EEFSEC: variants seen among roughly 807,000 people sequenced by gnomAD.
The protein encoded by EEFSEC is eukaryotic elongation factor, selenocysteine-tRNA specific.
In EEFSEC, 43 loss-of-function variants were observed where a neutral mutation model predicts 42.1. That is an observed-to-expected ratio of 1.02 (90% CI 0.80 to 1.32). The LOEUF (loss-of-function observed/expected upper bound fraction) is 1.32, where lower values mean the gene tolerates loss of function less well. Among genes scored for constraint, EEFSEC ranks in the 40% most tolerant of loss-of-function variants. The pLI is 0.00. For synonymous variants in EEFSEC, 354 were observed against 339.1 expected (o/e 1.04, Z -0.48); for missense variants, 745 against 803.6 (o/e 0.93, Z 0.88).
At chr3:128,383,022 C>G (rs1463452261) in intron 6 of EEFSEC, among the ~76,000 whole-genome samples, 1 of 152,158 alleles carries the variant, frequency 6.6e-6, no homozygotes, top group African/African-American at 2.4e-5. Context: ...CTCCCTGCCT[C>G]CTGGAAGACC....
chr3:128,313,891 C>T (rs557423920), intron 4 of EEFSEC, among the ~76,000 whole-genome samples: 5 of 152,326 alleles, frequency 3.3e-5, no homozygotes, highest in African/African-American at 1.2e-4. Flanking sequence ...CTGGTCTCTC[C>T]CTCCTAGGCA....
intron 5 of EEFSEC, among the ~76,000 whole-genome samples, chr3:128,356,777 A>G (rs1325574211): frequency 2.0e-5 from 3 of 152,128 alleles, no homozygotes; most frequent in African/African-American, 4.8e-5. Flanking sequence ...AGCCTGCAAC[A>G]TGCCCTTTGC....
At chr3:128,190,474 T>C (rs1191134476) in intron 1 of EEFSEC, among the ~76,000 whole-genome samples, 1 of 152,214 alleles carries the variant, frequency 6.6e-6, no homozygotes, top group African/African-American at 2.4e-5. Context: ...AAAGAAAATA[T>C]TTTTATACAG....
At chr3:128,251,763 C>CT (rs1216241198) in intron 2 of EEFSEC, among the ~76,000 whole-genome samples, 2 of 151,900 alleles carry the variant, frequency 1.3e-5, no homozygotes, top group African/African-American at 4.8e-5. Context: ...ATTTTAGTTG[C>CT]TTTTTTTGAC....
chr3:128,413,204 G>A (rs759148635), downstream of EEFSEC, among the ~76,000 whole-genome samples: 4 of 152,210 alleles, frequency 2.6e-5, no homozygotes, highest in Non-Finnish European at 5.9e-5. Context: ...GGAAGAGGAC[G>A]TTTGGGAAGG....
intron 1 of EEFSEC, among the ~76,000 whole-genome samples, chr3:128,184,212 C>A (rs2065441243): frequency 6.6e-6 from 1 of 152,138 alleles, no homozygotes; most frequent in African/African-American, 2.4e-5. Flanking sequence ...ACCTTTTTGA[C>A]TATATTTAAG....
chr3:128,410,957 G>A (rs1213951133), downstream of EEFSEC, among the ~76,000 whole-genome samples: 1 of 152,232 alleles, frequency 6.6e-6, no homozygotes, highest in Non-Finnish European at 1.5e-5. Context: ...GGGCAGCCCA[G>A]GGCGACTCCC....
chr3:128,362,025 C>A, intron 6 of EEFSEC: 1 of 322,516 alleles, frequency 3.1e-6, no homozygotes. Flanking sequence ...TGTGTCACCT[C>A]ACCCCTCTCC....
chr3:128,407,846 C>T (rs867881576), intron 6 of EEFSEC, among the ~76,000 whole-genome samples: 18 of 152,144 alleles, frequency 1.2e-4, no homozygotes, highest in Non-Finnish European at 1.8e-4. Flanking sequence ...GGCCTGAGCA[C>T]GGGGGTGGTG....
At chr3:128,416,119 C>T in the EEFSEC span, among the ~76,000 whole-genome samples, 2 of 152,278 alleles carry the variant, frequency 1.3e-5, no homozygotes, top group South Asian at 4.1e-4. Flanking sequence ...GTTGCAGAGT[C>T]ACCAGGCCCC....
At chr3:128,400,612 A>G (rs1268847638) in intron 6 of EEFSEC, among the ~76,000 whole-genome samples, 1 of 152,174 alleles carries the variant, frequency 6.6e-6, no homozygotes, top group African/African-American at 2.4e-5. Flanking sequence ...CAGGGCCACA[A>G]AGGGGCCAGT....
At chr3:128,227,640 C>T (rs903184501) in intron 1 of EEFSEC, among the ~76,000 whole-genome samples, 4 of 152,182 alleles carry the variant, frequency 2.6e-5, no homozygotes, top group African/African-American at 9.7e-5. Flanking sequence ...ACTCAGGGGC[C>T]TTGTGAGGAC....
At chr3:128,175,822 T>G (rs1334921390) in intron 1 of EEFSEC, among the ~76,000 whole-genome samples, 1 of 152,168 alleles carries the variant, frequency 6.6e-6, no homozygotes, top group Non-Finnish European at 1.5e-5. Context: ...GGCCTGGATT[T>G]GCACCCTGTC....
rs182469616 is a variant in EEFSEC, at chr3:128,168,920, G to A, written c.316+15097G>A. 3.1e-3 allele frequency among the ~76,000 whole-genome samples: 474 copies of A among 152,284 alleles called. 2 individuals carry two copies. The highest frequency in any genetic ancestry group is 0.011 in the African/African-American group (437 of 41,556). On this transcript the variant is annotated intron_variant, in intron 1 of 6. Coordinates refer to ENST00000254730, the MANE Select transcript of EEFSEC (RefSeq NM_021937.5). The stretch of plus-strand genomic sequence containing the variant: ...CGACCTTATTCCTTAAGCTCAGATG[G>A]TATAGAAGGAAAGGTGGATCATGAC...
At chr3:128,242,502 A>T (rs2066082698) in intron 1 of EEFSEC, among the ~76,000 whole-genome samples, 1 of 151,938 alleles carries the variant, frequency 6.6e-6, no homozygotes, top group African/African-American at 2.4e-5. Context: ...GACTTTTTTA[A>T]AAAAAAATCT....
chr3:128,302,615 GT>G (rs138506438), intron 4 of EEFSEC, among the ~76,000 whole-genome samples: 2 of 150,094 alleles, frequency 1.3e-5, no homozygotes, highest in Non-Finnish European at 3.0e-5. Context: ...TTTGTTTTTT[GT>G]TTTTTTTTGG....
chr3:128,184,679 G>A (rs2999056), intron 1 of EEFSEC, among the ~76,000 whole-genome samples: 22,006 of 152,048 alleles, frequency 0.14, 1,706 homozygotes, highest in Admixed American at 0.2. Flanking sequence ...TGTGAGTATT[G>A]TTAGTGATAC....
chr3:128,177,703 T>A (rs2065365401), intron 1 of EEFSEC, among the ~76,000 whole-genome samples: 1 of 152,196 alleles, frequency 6.6e-6, no homozygotes, highest in South Asian at 2.1e-4. Flanking sequence ...ATTCTTTTTG[T>A]GTTTTGTTGC....
intron 4 of EEFSEC, among the ~76,000 whole-genome samples, chr3:128,294,818 GT>G (rs2066684642): frequency 6.6e-6 from 1 of 152,232 alleles, no homozygotes; most frequent in Non-Finnish European, 1.5e-5. Context: ...ATGGCAGACT[GT>G]TCTGATATTT....
Sources: allele counts gnomAD v4.1 joint callset (sites outside exome capture counted in the v4.1 genomes callset), GRCh38; gene constraint gnomAD v4.1.1; transcripts MANE v1.5; gene names NCBI Gene and HGNC (gene_info 2026-07-23, HGNC 2026-07-21).